Variants in GADL1 observed in about 807,000 individuals in gnomAD.
GADL1 encodes acidic amino acid decarboxylase GADL1.
Under a neutral mutation model 69.5 loss-of-function variants are expected in GADL1, and 71 were observed. The observed-to-expected ratio is 1.02, with a 90% CI of 0.84 to 1.25. The LOEUF (loss-of-function observed/expected upper bound fraction) is 1.25. GADL1 is among the 50% of genes most tolerant of loss of function. The pLI is 0.00. For synonymous variants in GADL1, 254 were observed against 214.4 expected, an observed-to-expected ratio of 1.18 and a Z score of -1.62; for missense variants, 737 against 631.8, an observed-to-expected ratio of 1.17 and a Z score of -1.79.
At chr3:30,774,161 T>G (rs1696482078) in intron 14 of GADL1, among the ~76,000 whole-genome samples, 1 of 152,124 alleles carries the variant, frequency 6.6e-6, no homozygotes, top group African/African-American at 2.4e-5. Flanking sequence ...TGTTTCAGAT[T>G]TTCATGATTT....
chr3:30,879,424 C>A (rs955378995), intron 1 of GADL1, among the ~76,000 whole-genome samples: 1 of 151,894 alleles, frequency 6.6e-6, no homozygotes, highest in Non-Finnish European at 1.5e-5. Flanking sequence ...ATCATTTCCA[C>A]CCCTTGAAGA....
intron 11 of GADL1, among the ~76,000 whole-genome samples, chr3:30,801,379 G>A (rs1697161967): frequency 6.6e-6 from 1 of 151,986 alleles, no homozygotes; most frequent in African/African-American, 2.4e-5. Flanking sequence ...CATCAAGGTG[G>A]CCCAGTTTTT....
chr3:30,789,706 C>T (rs1202672065), intron 12 of GADL1, among the ~76,000 whole-genome samples: 1 of 152,178 alleles, frequency 6.6e-6, no homozygotes, highest in African/African-American at 2.4e-5. Flanking sequence ...TCTCCATGAG[C>T]ATTTGCTGCT....
intron 14 of GADL1, among the ~76,000 whole-genome samples, chr3:30,768,125 C>T (rs996572201): frequency 1.4e-5 from 2 of 147,768 alleles, no homozygotes; most frequent in Admixed American, 1.4e-4. Context: ...CAAATGTATA[C>T]AGACTTCTTA....
intron 14 of GADL1, among the ~76,000 whole-genome samples, chr3:30,745,441 T>C (rs1464140949): frequency 6.6e-6 from 1 of 152,174 alleles, no homozygotes; most frequent in East Asian, 1.9e-4. Flanking sequence ...TGATAGAAAA[T>C]AATTATCTGT....
intron 1 of GADL1, among the ~76,000 whole-genome samples, chr3:30,888,334 C>A (rs1385911954): frequency 6.6e-6 from 1 of 151,908 alleles, no homozygotes; most frequent in African/African-American, 2.4e-5. Context: ...TACGAGTGTA[C>A]AAAATAATAT....
intron 11 of GADL1, among the ~76,000 whole-genome samples, chr3:30,807,860 C>G (rs1293937838): frequency 3.3e-5 from 5 of 151,700 alleles, no homozygotes; most frequent in African/African-American, 1.2e-4. Flanking sequence ...GGCGAAACAC[C>G]ATCTCTACTA....
intron 11 of GADL1, among the ~76,000 whole-genome samples, chr3:30,818,682 A>G (rs1459362086): frequency 6.6e-6 from 1 of 152,194 alleles, no homozygotes; most frequent in Non-Finnish European, 1.5e-5. Flanking sequence ...AGATATACTT[A>G]CACTAAAATA....
intron 11 of GADL1, among the ~76,000 whole-genome samples, chr3:30,810,096 T>G (rs529428654): frequency 6.6e-6 from 1 of 152,282 alleles, no homozygotes; most frequent in South Asian, 2.1e-4. Flanking sequence ...GAGCTTGTTG[T>G]CTTGCCATTT....
At position 30,876,365 on chromosome 3, in the gene GADL1, T is replaced by C. The variant is rs149456445; in HGVS notation, c.38-14600A>G. Among the ~76,000 whole-genome samples the C allele has an allele frequency of 6.0e-3, 906 of 152,108 alleles. 3 individuals are homozygous for C. The highest frequency in any genetic ancestry group is 0.01 in the Non-Finnish European group (692 of 67,932). On this transcript the variant is annotated intron_variant, in intron 1 of 14. Transcript: ENST00000282538. ...AGGGACAGTAATGTGTACTGATAAA[T>C]TGGTTTCTGAAGAAAAGGCTCTGAT...
At chr3:30,728,887 A>T (rs1322952690) in intron 14 of GADL1, among the ~76,000 whole-genome samples, 1 of 152,194 alleles carries the variant, frequency 6.6e-6, no homozygotes, top group Non-Finnish European at 1.5e-5. Context: ...GATGGAAAAG[A>T]AGGAAACCCT....
At chr3:30,811,040 A>G (rs893014692) in intron 11 of GADL1, among the ~76,000 whole-genome samples, 1 of 152,188 alleles carries the variant, frequency 6.6e-6, no homozygotes, top group African/African-American at 2.4e-5. Flanking sequence ...GTTGAGATCA[A>G]GACTCCCCTT....
At chr3:30,844,184 C>A in intron 8 of GADL1, 26 bp downstream of exon 8, 1 of 1,594,660 alleles carries the variant, frequency 6.3e-7, no homozygotes, top group South Asian at 1.1e-5. Flanking sequence ...CACGTTCTCT[C>A]TCCCTCTCGC....
intron 1 of GADL1, among the ~76,000 whole-genome samples, chr3:30,869,157 T>C (rs141140458): frequency 6.6e-6 from 1 of 151,860 alleles, no homozygotes; most frequent in Non-Finnish European, 1.5e-5. Flanking sequence ...AAAATTGAGA[T>C]TTAAAAAAAC....
intron 14 of GADL1, among the ~76,000 whole-genome samples, chr3:30,740,456 TC>T (rs1167368691): frequency 6.6e-6 from 1 of 151,904 alleles, no homozygotes; most frequent in Non-Finnish European, 1.5e-5. Flanking sequence ...AAACCAAGCT[TC>T]TTTTGCTTAA....
intron 4 of GADL1, among the ~76,000 whole-genome samples, chr3:30,851,814 TC>T (rs1406999242): frequency 6.6e-6 from 1 of 152,012 alleles, no homozygotes; most frequent in Non-Finnish European, 1.5e-5. Flanking sequence ...TCCTCCTCCT[TC>T]CCCAGGTCGT....
intron 11 of GADL1, among the ~76,000 whole-genome samples, chr3:30,805,925 C>T (rs1279233701): frequency 6.6e-6 from 1 of 151,768 alleles, no homozygotes; most frequent in African/African-American, 2.4e-5. Flanking sequence ...CAATAGTTTG[C>T]ACTCCTATGA....
intron 1 of GADL1, among the ~76,000 whole-genome samples, chr3:30,865,725 G>T (rs1698392638): frequency 6.6e-6 from 1 of 152,002 alleles, no homozygotes; most frequent in African/African-American, 2.4e-5. Context: ...GAAACTGGCT[G>T]CAAGACCCTC....
chr3:30,774,952 A>C (rs1440177052), intron 14 of GADL1, among the ~76,000 whole-genome samples: 6 of 152,162 alleles, frequency 3.9e-5, no homozygotes, highest in African/African-American at 1.4e-4. Context: ...AGATGGCAGG[A>C]GGCAGAGAGA....
Sources: allele counts gnomAD v4.1 joint callset (sites outside exome capture counted in the v4.1 genomes callset), GRCh38; gene constraint gnomAD v4.1.1; transcripts MANE v1.5; gene names NCBI Gene and HGNC (gene_info 2026-07-23, HGNC 2026-07-21).